The following EPS15L1 variants were observed in gnomAD, a reference collection of about 807,000 sequenced individuals.
The protein encoded by EPS15L1 is epidermal growth factor receptor pathway substrate 15 like 1.
Under a neutral mutation model 117.1 loss-of-function variants are expected in EPS15L1, and 43 were observed. The observed-to-expected ratio is 0.37, with a 90% CI of 0.29 to 0.47. The LOEUF is 0.47. Ranked by LOEUF, EPS15L1 falls within the 20% of genes least tolerant of loss-of-function variation. The pLI is 0.99. For synonymous variants in EPS15L1, 459 were observed against 470.5 expected (o/e 0.98, Z 0.32); for missense variants, 981 against 1,164.0 (o/e 0.84, Z 2.29).
At chr19:16,426,665 A>G (rs538599247) in intron 8 of EPS15L1, among the ~76,000 whole-genome samples, 1 of 152,288 alleles carries the variant, frequency 6.6e-6, no homozygotes, top group Non-Finnish European at 1.5e-5. Flanking sequence ...CAACAAAAAA[A>G]CAAAAAGTCC....
intron 19 of EPS15L1, among the ~76,000 whole-genome samples, chr19:16,388,229 G>A (rs567134109): frequency 1.5e-4 from 23 of 152,194 alleles, no homozygotes; most frequent in African/African-American, 5.3e-4. Flanking sequence ...TAGTAGAGAC[G>A]GGGTTTCACC....
At position 16,460,949 on chromosome 19, in the gene EPS15L1, G is replaced by A. The variant is rs377203990; in HGVS notation, c.33+10964C>T. Reference sequence around the variant, plus strand: ...CTTTCCCCTTTGGAGAGTGTGAAATGAGATAGTTTTCTCTTCCACTGGAAA... The same window carrying A: ...CTTTCCCCTTTGGAGAGTGTGAAATAAGATAGTTTTCTCTTCCACTGGAAA... On this transcript the variant is annotated intron_variant, in intron 1 of 23. Transcript: ENST00000455140. Among the ~76,000 whole-genome samples, 6 of 152,280 alleles carry A rather than the reference G, an allele frequency of 3.9e-5. No individual in the cohort carries two copies. The East Asian group carries it at 9.7e-4, about 24-fold the overall frequency.
chr19:16,380,770 G>C (rs527772078), intron 21 of EPS15L1, among the ~76,000 whole-genome samples: 8 of 152,354 alleles, frequency 5.3e-5, no homozygotes, highest in African/African-American at 1.9e-4. Flanking sequence ...AGACATGGCC[G>C]TTTAGGCCTC....
chr19:16,402,571 T>A, intron 15 of EPS15L1, 86 bp from the exon 16 acceptor site: 6 of 1,249,724 alleles, frequency 4.8e-6, no homozygotes, highest in Non-Finnish European at 6.6e-6. Flanking sequence ...ACACAGGGTC[T>A]CACTCTGTCA....
rs1219095935 is a variant in EPS15L1 at position 16,377,003 on chromosome 19, C to T, written c.2380+119G>A. 7 of 1,305,148 alleles carry T rather than the reference C, an allele frequency of 5.4e-6. No individual in the cohort carries two copies. The East Asian group carries it at 1.5e-4, about 27-fold the overall frequency. 80.8% of individuals were successfully genotyped at this position (1,305,148 alleles called of 1,614,324 possible). A position where few individuals can be genotyped will look rare whatever the true frequency, so the allele number is the denominator to read the frequency against. ...CAGCTGGGCCGGGGGGACCCTCTTGCTCCCCACACAGGGTCCCACGGCATC... is the reference window on the plus strand; with the variant it reads ...CAGCTGGGCCGGGGGGACCCTCTTGTTCCCCACACAGGGTCCCACGGCATC... On this transcript the variant is annotated intron_variant, in intron 22 of 23. Transcript: ENST00000455140.
In EPS15L1 at chr19:16,404,784, G is replaced by C. The variant is rs780278041; in HGVS notation, c.1267-35C>G. ...AGTTGCAGGGGTTTACGTGAGGATG[G>C]GAAAAATGAAGCATGTCCAAGATAA... On this transcript the variant is annotated intron_variant, in intron 13 of 23. Transcript: ENST00000455140. This position sits in a 1 kb window ranked among gnomAD's most constrained non-coding sequence, Gnocchi z 4.2. 4 of 1,609,416 alleles carry C rather than the reference G, an allele frequency of 2.5e-6. No individual in the cohort carries two copies. In the South Asian group the frequency reaches 4.4e-5, roughly 18 times the overall value.
intron 22 of EPS15L1, among the ~76,000 whole-genome samples, chr19:16,366,110 G>GT: frequency 6.6e-6 from 1 of 152,226 alleles, no homozygotes; most frequent in Admixed American, 6.5e-5. Flanking sequence ...AGAGGAAACA[G>GT]TTAAGTGTTT....
At position 16,371,455 on chromosome 19, in the gene EPS15L1, T is replaced by TGGTAAAAG. The variant is rs2092223216; in HGVS notation, c.2380+5666_2380+5667insCTTTTACC. ...CTGGTTAAACTTAGGTAAAAGCTGTTCGTTAGTGCAACTGTGGGGAGGGGG... is the reference window on the plus strand; with the variant it reads ...CTGGTTAAACTTAGGTAAAAGCTGTTGGTAAAAGCGTTAGTGCAACTGTGGGGAGGGGG... On this transcript the variant is annotated intron_variant, in intron 22 of 23. Coordinates refer to ENST00000455140, the MANE Select transcript of EPS15L1 (RefSeq NM_001258374.3). The surrounding 1 kb of genome is among the most constrained non-coding windows in gnomAD (Gnocchi z 4.7). 2.0e-5 allele frequency among the ~76,000 whole-genome samples: 3 copies of TGGTAAAAG among 152,212 alleles called. No individual in the cohort carries two copies. The highest frequency in any genetic ancestry group is 2.9e-5 in the Non-Finnish European group (2 of 68,042).
At chr19:16,389,329 C>T (rs1599563610) in intron 19 of EPS15L1, among the ~76,000 whole-genome samples, 1 of 151,966 alleles carries the variant, frequency 6.6e-6, no homozygotes, top group Admixed American at 6.6e-5. Context: ...AGGTACATGC[C>T]TGTGGTCCCA....
intron 23 of EPS15L1, among the ~76,000 whole-genome samples, chr19:16,360,256 C>T (rs907771292): frequency 2.3e-4 from 35 of 151,844 alleles, no homozygotes; most frequent in Admixed American, 1.3e-4. Flanking sequence ...TTTAAATCAG[C>T]GTTTAATATT....
At chr19:16,413,706 G>T (rs1281291690) in intron 13 of EPS15L1, 67 bp downstream of exon 13, 2 of 1,342,738 alleles carry the variant, frequency 1.5e-6, no homozygotes, top group Non-Finnish European at 2.1e-6. Context: ...CACCAGCCAG[G>T]GAGGGAAGTT....
chr19:16,364,407 G>T (rs1317015118), intron 22 of EPS15L1, among the ~76,000 whole-genome samples: 1 of 152,192 alleles, frequency 6.6e-6, no homozygotes, highest in East Asian at 1.9e-4. Flanking sequence ...CTTTCTAGGT[G>T]TCTCCCTTTT....
At chr19:16,421,269 A>G (rs773468992) in intron 10 of EPS15L1, 50 bp downstream of exon 10, 1 of 1,562,078 alleles carries the variant, frequency 6.4e-7, no homozygotes. Context: ...CTTCACCCAC[A>G]GGCCCCCTGG....
intron 12 of EPS15L1, among the ~76,000 whole-genome samples, chr19:16,415,054 C>T (rs929894313): frequency 3.3e-5 from 5 of 152,110 alleles, no homozygotes. Context: ...TATTTCCTAG[C>T]ACTGCTGTAA....
At chr19:16,425,468 A>T in intron 8 of EPS15L1, 152 bp from the exon 9 acceptor site, 2 of 638,064 alleles carry the variant, frequency 3.1e-6, no homozygotes, top group Non-Finnish European at 5.7e-6. Flanking sequence ...ATCATTCCTC[A>T]TGAGTTATCT....
rs2092643492 is a variant in EPS15L1, at chr19:16,405,123, G to T, written c.1267-374C>A. 1.3e-5 allele frequency among the ~76,000 whole-genome samples: 2 copies of T among 152,220 alleles called. No homozygotes were observed. Among genetic ancestry groups the T allele is most frequent in the Non-Finnish European group, 2.9e-5 (2 of 68,030 alleles). ...CAAGTGGCACCAAGGGGGTCACAGG[G>T]AAACTACAGTCACACCTTGTGGGCA... is the stretch of plus-strand genomic sequence containing the variant. On this transcript the variant is annotated intron_variant, in intron 13 of 23. Coordinates refer to ENST00000455140, the MANE Select transcript of EPS15L1 (RefSeq NM_001258374.3). The surrounding 1 kb of genome is among the most constrained non-coding windows in gnomAD (Gnocchi z 4.0).
In EPS15L1 at chr19:16,383,562, G is replaced by A. The variant is rs2092386811; in HGVS notation, c.2247+1567C>T. ...AACCGTGTCACAGCGTGGCATATGAGGGATGGAGGCCTTCTCCGTGTGCTG... is the reference window on the plus strand; with the variant it reads ...AACCGTGTCACAGCGTGGCATATGAAGGATGGAGGCCTTCTCCGTGTGCTG... On this transcript the variant is annotated intron_variant, in intron 21 of 23. Transcript: ENST00000455140. This position sits in a 1 kb window ranked among gnomAD's most constrained non-coding sequence, Gnocchi z 5.2. 1 of 152,336 alleles carries A rather than the reference G, an allele frequency of 6.6e-6. No individual in the cohort carries two copies. Among genetic ancestry groups the A allele is most frequent in the Non-Finnish European group, 1.5e-5 (1 of 68,122 alleles). 9.4% of individuals were successfully genotyped at this position (152,336 alleles called of 1,614,324 possible).
chr19:16,411,951 G>A (rs1300538380), intron 13 of EPS15L1, among the ~76,000 whole-genome samples: 1 of 152,064 alleles, frequency 6.6e-6, no homozygotes, highest in East Asian at 1.9e-4. Context: ...CTCCGGCCTC[G>A]GCCTCCCAAA....
chr19:16,456,821 C>T (rs970027877), intron 1 of EPS15L1, among the ~76,000 whole-genome samples: 8 of 152,106 alleles, frequency 5.3e-5, no homozygotes, highest in Non-Finnish European at 1.2e-4. Context: ...AGGTGTGCAC[C>T]GGGACAGAGA....
Sources: gnomAD v4.1 joint callset for allele counts (sites outside exome capture counted in the v4.1 genomes callset) on GRCh38, gnomAD v4.1.1 for gene constraint, Gnocchi (gnomAD v3.1) non-coding constraint, MANE v1.5 for transcripts, NCBI Gene and HGNC (gene_info 2026-07-23, HGNC 2026-07-21) for gene names.